The following CARD6 variants were observed in gnomAD, a reference collection of about 807,000 sequenced individuals.
CARD6 encodes caspase recruitment domain-containing protein 6.
A neutral mutation model predicts 23.6 loss-of-function variants in CARD6; 27 were observed. The observed-to-expected ratio is 1.14, with a 90% CI of 0.84 to 1.58. CARD6 has a LOEUF of 1.58. Among genes scored for constraint, CARD6 ranks in the 40% most tolerant of loss-of-function variants. The pLI is 0.00. For synonymous variants in CARD6, 397 were observed against 431.8 expected, an observed-to-expected ratio of 0.92 and a Z score of 1.00; for missense variants, 1,214 against 1,209.9, an observed-to-expected ratio of 1.00 and a Z score of -0.05.
chr5:40,844,244 A>G (rs566236999), intron 2 of CARD6, among the ~76,000 whole-genome samples: 1 of 152,024 alleles, frequency 6.6e-6, no homozygotes, highest in Non-Finnish European at 1.5e-5. Context: ...TTCTTTATTT[A>G]AAAAAAATTT....
At chr5:40,849,614 G>T (rs1358635948) in intron 2 of CARD6, among the ~76,000 whole-genome samples, 1 of 152,020 alleles carries the variant, frequency 6.6e-6, no homozygotes, top group African/African-American at 2.4e-5. Context: ...ACACTAGCTG[G>T]CCGTCTGTCA....
chr5:40,843,655 GAGGGATCAGA>G lies in CARD6; in HGVS notation c.789_798del (p.Gly264ProfsTer13). 1 of 1,570,796 alleles carries G rather than the reference GAGGGATCAGA, an allele frequency of 6.4e-7. No homozygotes were observed. The highest frequency in any genetic ancestry group is 8.6e-7 in the Non-Finnish European group (1 of 1,166,254). On this transcript the variant is annotated frameshift_variant, in exon 2 of 3. Transcript: ENST00000254691. LOFTEE classifies it high-confidence loss of function. ...GTTCTCTGGTGAAGAACCAAGTTAT[GAGGGATCAGA>G]AACCAGCCTTTCATTGGAGGAGGAA...
At chr5:40,848,470 C>T (rs1746001217) in intron 2 of CARD6, among the ~76,000 whole-genome samples, 1 of 152,140 alleles carries the variant, frequency 6.6e-6, no homozygotes, top group Non-Finnish European at 1.5e-5. Context: ...CCTGCCTCAG[C>T]CTCCCACTGT....
At position 40,853,527 on chromosome 5, in the gene CARD6, G is replaced by A. The variant is rs1409077772; in HGVS notation, c.2195G>A (p.Trp732Ter). Residue 732 changes from tryptophan (W) to a stop codon, truncating the protein, a stop_gained, in exon 3 of 3, where the codon TGG becomes TAG. Transcript: ENST00000254691. LOFTEE classifies it low-confidence loss of function (END_TRUNC). ...TTCAGGCCTGTTCTAGAGAACTCCT[G>A]GCTCTTTCCAACCAGAATTGGAGGT... ...PVFRPVLENS[W>*]LFPTRIGGNF... is the part of the protein sequence containing the mutation. 6 of 1,614,026 alleles carry A rather than the reference G, an allele frequency of 3.7e-6. No individual in the cohort carries two copies. The African/African-American group carries it at 5.3e-5, about 14-fold the overall frequency.
rs963087953 is a variant in CARD6 at position 40,855,085 on chromosome 5, T to G, written c.*639T>G. On this transcript the variant is annotated 3_prime_UTR_variant, in exon 3 of 3. Coordinates refer to ENST00000254691, the MANE Select transcript of CARD6 (RefSeq NM_032587.4). ...CTTGGAGAAGAATGGGGTTAGGGTC[T>G]CTAATTGCAAAGTGACTGTACAATA... 1.3e-5 allele frequency: 2 copies of G among 152,580 alleles called. No individual in the cohort carries two copies. The highest frequency in any genetic ancestry group is 2.4e-5 in the African/African-American group (1 of 41,464). The allele number at this position is 152,580 out of a possible 1,614,324, so 9.5% of individuals were successfully genotyped here.
At position 40,852,676 on chromosome 5, in the gene CARD6, T is replaced by G; in HGVS notation, c.1344T>G (p.Thr448=). The change falls in exon 3 of 3, where the codon ACT becomes ACG. Residue 448 remains threonine, a synonymous_variant. Transcript: ENST00000254691. ...GPTEDTEKFL[T]LMKMPVISFV... ...CAGAGGATACAGAAAAGTTTCTGAC[T>G]CTCATGAAGATGCCTGTCATCTCTT... is the stretch of plus-strand genomic sequence containing the variant. 6.2e-7 allele frequency: 1 copy of G among 1,614,158 alleles called. No individual in the cohort carries two copies. The highest frequency in any genetic ancestry group is 8.5e-7 in the Non-Finnish European group (1 of 1,180,014).
At position 40,853,842 on chromosome 5, in the gene CARD6, G is replaced by A. The variant is rs759908090; in HGVS notation, c.2510G>A (p.Gly837Glu). 15 of 1,614,048 alleles carry A rather than the reference G, an allele frequency of 9.3e-6. No homozygotes were observed. The highest frequency in any genetic ancestry group is 1.2e-5 in the Non-Finnish European group (14 of 1,180,032). Residue 837 changes from glycine to glutamate, a missense_variant, in exon 3 of 3, where the codon GGA (glycine) becomes GAA (glutamate). Transcript: ENST00000254691. ...TGCCCTGAGAGACCACAAATGATGGGAACTCTTGAAAGGTCTAGGGCAGTA... is the reference window on the plus strand; with the variant it reads ...TGCCCTGAGAGACCACAAATGATGGAAACTCTTGAAAGGTCTAGGGCAGTA... Reference protein sequence around the residue: ...QACPERPQMMGTLERSRAVAS... With the variant: ...QACPERPQMMETLERSRAVAS...
At position 40,852,914 on chromosome 5, in the gene CARD6, G is replaced by C. The variant is rs371236462; in HGVS notation, c.1582G>C (p.Ala528Pro). 6.2e-7 allele frequency: 1 copy of C among 1,614,008 alleles called. No homozygotes were observed. Among genetic ancestry groups the C allele is most frequent in the African/African-American group, 1.3e-5 (1 of 74,910 alleles). ...AAACCCCTTTTTCCAAAAGCCTGTT[G>C]CTCTGGCTAATCTCCGTGGAAATCT... ...KENPFFQKPV[A>P]LANLRGNLES... The change falls in exon 3 of 3, where the codon GCT becomes CCT. Residue 528 changes from alanine to proline, a missense_variant. Coordinates refer to ENST00000254691, the MANE Select transcript of CARD6 (RefSeq NM_032587.4).
Position 40,852,421 on chromosome 5 carries a change from G to A in CARD6, c.1089G>A (p.Glu363=). The A allele has an allele frequency of 6.2e-7, 1 of 1,614,154 alleles. No homozygotes were observed. The highest frequency in any genetic ancestry group is 8.5e-7 in the Non-Finnish European group (1 of 1,180,046). ...DSKEDLLAGV[E]NLEIRDIQTI... Reference sequence around the variant, plus strand: ...AGGAGGATTTGCTGGCTGGAGTGGAGAATTTGGAAATTCGAGACATACAAA... The same window carrying A: ...AGGAGGATTTGCTGGCTGGAGTGGAAAATTTGGAAATTCGAGACATACAAA... Residue 363 remains glutamate (E), a synonymous_variant, in exon 3 of 3, where the codon GAG becomes GAA. Transcript: ENST00000254691.
chr5:40,852,877 T>A lies in CARD6; in HGVS notation c.1545T>A (p.Asp515Glu). 1 of 1,614,078 alleles carries A rather than the reference T, an allele frequency of 6.2e-7. No individual in the cohort carries two copies. Among genetic ancestry groups the A allele is most frequent in the Non-Finnish European group, 8.5e-7 (1 of 1,179,976 alleles). ...TAACATGGTGTTTTCCTGATAGCGA[T>A]GATAGAAAGGAAAACCCCTTTTTCC... ...VEITWCFPDS[D>E]DRKENPFFQK... Residue 515 changes from aspartate to glutamate, a missense_variant, in exon 3 of 3, where the codon GAT (aspartate) becomes GAA (glutamate). Coordinates refer to ENST00000254691, the MANE Select transcript of CARD6 (RefSeq NM_032587.4).
chr5:40,854,149 C>T lies in CARD6; in HGVS notation c.2817C>T (p.Ser939=). Residue 939 remains serine (S), a synonymous_variant, in exon 3 of 3, where the codon AGC becomes AGT. Transcript: ENST00000254691. The part of the protein sequence containing the change: ...LQIGSHPMCK[S]SQFKSDQSNP... ...TAGGGTCCCATCCCATGTGCAAGAG[C>T]TCTCAGTTCAAATCCGATCAGTCCA... 6.2e-7 allele frequency: 1 copy of T among 1,614,194 alleles called. No individual in the cohort carries two copies. The highest frequency in any genetic ancestry group is 8.5e-7 in the Non-Finnish European group (1 of 1,180,044).
At chr5:40,845,302 G>A (rs1345775033) in intron 2 of CARD6, among the ~76,000 whole-genome samples, 1 of 152,120 alleles carries the variant, frequency 6.6e-6, no homozygotes, top group Non-Finnish European at 1.5e-5. Flanking sequence ...CCTTGTCCCT[G>A]AGTGTGCACC....
chr5:40,844,147 A>G (rs1285259635), intron 2 of CARD6, among the ~76,000 whole-genome samples: 1 of 152,236 alleles, frequency 6.6e-6, no homozygotes, highest in Admixed American at 6.5e-5. Flanking sequence ...TAAATGGCTA[A>G]GATCCCAAAA....
rs1221931470 is a variant in CARD6, at chr5:40,852,442, A to G, written c.1110A>G (p.Ile370Met). Residue 370 changes from isoleucine to methionine, a missense_variant, in exon 3 of 3, where the codon ATA (isoleucine) becomes ATG (methionine). Coordinates refer to ENST00000254691, the MANE Select transcript of CARD6 (RefSeq NM_032587.4). ...TGGAGAATTTGGAAATTCGAGACAT[A>G]CAAACCATTAATCCCCTTGACGTGC... is the stretch of plus-strand genomic sequence containing the variant. The part of the protein sequence containing the change: ...AGVENLEIRD[I>M]QTINPLDVLC... 4 of 1,614,198 alleles carry G rather than the reference A, an allele frequency of 2.5e-6. No homozygotes were observed. The highest frequency in any genetic ancestry group is 3.4e-6 in the Non-Finnish European group (4 of 1,180,034).
chr5:40,852,362 A>G lies in CARD6; in HGVS notation c.1030A>G (p.Ile344Val), dbSNP rs957621194. The change falls in exon 3 of 3, where the codon ATC (isoleucine) becomes GTC (valine). Residue 344 changes from isoleucine to valine, a missense_variant. Transcript: ENST00000254691. ...ACGAGATGTGACGGCTAGGGATTCAATCCTCAGTCACAAGGTTCTGGATGA... is the reference window on the plus strand; with the variant it reads ...ACGAGATGTGACGGCTAGGGATTCAGTCCTCAGTCACAAGGTTCTGGATGA... The part of the protein sequence containing the change: ...QARDVTARDS[I>V]LSHKVLDEDS... 3 of 1,614,128 alleles carry G rather than the reference A, an allele frequency of 1.9e-6. No homozygotes were observed. Among genetic ancestry groups the G allele is most frequent in the Admixed American group, 1.7e-5 (1 of 59,990 alleles).
chr5:40,847,765 A>AT (rs959578516), intron 2 of CARD6, among the ~76,000 whole-genome samples: 14 of 149,356 alleles, frequency 9.4e-5, no homozygotes, highest in Non-Finnish European at 1.8e-4. Flanking sequence ...TTTTTTCTTA[A>AT]TTTTTTTTGA....
At chr5:40,848,774 C>T (rs1465474072) in intron 2 of CARD6, among the ~76,000 whole-genome samples, 1 of 152,090 alleles carries the variant, frequency 6.6e-6, no homozygotes, top group East Asian at 1.9e-4. Flanking sequence ...TGGGTGGCAG[C>T]TGAAATCTCT....
chr5:40,845,691 A>T (rs958917464), intron 2 of CARD6, among the ~76,000 whole-genome samples: 1 of 152,038 alleles, frequency 6.6e-6, no homozygotes. Context: ...CGTAGGTAAC[A>T]TTCTAATATT....
rs1746078332 is a variant in CARD6, at chr5:40,852,219, A to G, written c.887A>G (p.Asp296Gly). The G allele has an allele frequency of 1.2e-6, 2 of 1,614,012 alleles. No individual in the cohort carries two copies. Among genetic ancestry groups the G allele is most frequent in the Non-Finnish European group, 1.7e-6 (2 of 1,179,914 alleles). ...FKDVLLCLNM[D>G]RSRKVLPDFV... ...GATGTCCTGTTATGTTTGAACATGG[A>G]TAGAAGCAGAAAGGTTCTGCCAGAT... Residue 296 changes from aspartate (D) to glycine (G), a missense_variant, in exon 3 of 3, where the codon GAT (aspartate) becomes GGT (glycine). Physicochemically the swap from Asp to Gly is moderately conservative, Grantham distance 94 (BLOSUM62 -1). Coordinates refer to ENST00000254691, the MANE Select transcript of CARD6 (RefSeq NM_032587.4).
Sources: gnomAD v4.1 joint callset for allele counts (sites outside exome capture counted in the v4.1 genomes callset) on GRCh38, gnomAD v4.1.1 for gene constraint, MANE v1.5 for transcripts, NCBI Gene and HGNC (gene_info 2026-07-23, HGNC 2026-07-21) for gene names.